UBR1: variants seen among roughly 807,000 people sequenced by gnomAD.
The protein encoded by UBR1 is E3 ubiquitin-protein ligase UBR1.
Under a neutral mutation model 242.1 loss-of-function variants are expected in UBR1, and 102 were observed. That is an observed-to-expected ratio of 0.42 (90% CI 0.36 to 0.50). The LOEUF (loss-of-function observed/expected upper bound fraction) is 0.50. Among genes scored for constraint, UBR1 ranks in the 20% least tolerant of loss-of-function variants. UBR1 has a pLI of 0.01. For synonymous variants in UBR1, 675 were observed against 684.8 expected, an observed-to-expected ratio of 0.99 and a Z score of 0.22; for missense variants, 1,772 against 2,101.8, an observed-to-expected ratio of 0.84 and a Z score of 3.07.
chr15:42,988,743 A>G (rs2032512633), intron 35 of UBR1, 76 bp downstream of exon 35: 1 of 1,588,716 alleles, frequency 6.3e-7, no homozygotes, highest in East Asian at 2.2e-5. Context: ...CCATCAGTGA[A>G]AAAAAGAATT....
intron 40 of UBR1, among the ~76,000 whole-genome samples, chr15:42,970,207 G>A (rs1195066447): frequency 1.3e-5 from 2 of 152,142 alleles, no homozygotes; most frequent in Admixed American, 6.5e-5. Flanking sequence ...ACAACCATGT[G>A]ATCTTTGACA....
chr15:43,013,015 C>T (rs939667259), intron 29 of UBR1, among the ~76,000 whole-genome samples: 2 of 152,178 alleles, frequency 1.3e-5, no homozygotes, highest in East Asian at 3.8e-4. Context: ...AGGTGATTCT[C>T]GTGCCTCAGC....
At chr15:43,065,138 T>C (rs184409899) in intron 6 of UBR1, among the ~76,000 whole-genome samples, 244 of 152,328 alleles carry the variant, frequency 1.6e-3, no homozygotes, top group Admixed American at 2.6e-3. Flanking sequence ...CTATGACCTA[T>C]AAGTAAAATG....
intron 3 of UBR1, among the ~76,000 whole-genome samples, chr15:43,078,641 GA>G (rs766028445): frequency 3.9e-5 from 6 of 152,138 alleles, no homozygotes; most frequent in Non-Finnish European, 7.3e-5. Flanking sequence ...TGGTGATTAT[GA>G]CTTGAATCAG....
chr15:43,027,715 C>A, intron 22 of UBR1, 61 bp downstream of exon 22: 1 of 1,497,312 alleles, frequency 6.7e-7, no homozygotes, highest in South Asian at 1.1e-5. Context: ...ACAAAGTATC[C>A]AAAGTACAAG....
At chr15:43,076,740 C>T (rs1169026493) in intron 3 of UBR1, among the ~76,000 whole-genome samples, 6 of 144,110 alleles carry the variant, frequency 4.2e-5, no homozygotes, top group Non-Finnish European at 7.6e-5. Flanking sequence ...AGGAGCGTCT[C>T]CGCCTGGCAG....
At chr15:43,053,342 G>A (rs1483518027) in intron 12 of UBR1, among the ~76,000 whole-genome samples, 3 of 152,084 alleles carry the variant, frequency 2.0e-5, no homozygotes, top group African/African-American at 4.8e-5. Context: ...CACTTAACTG[G>A]ATATAAAAAT....
chr15:43,043,245 T>C lies in UBR1; in HGVS notation c.1819A>G (p.Ile607Val). 3.7e-6 allele frequency: 6 copies of C among 1,614,138 alleles called. No individual in the cohort carries two copies. Among genetic ancestry groups the C allele is most frequent in the Non-Finnish European group, 4.2e-6 (5 of 1,180,028 alleles). Reference sequence around the variant, plus strand: ...AGGGTCCTAGAGAGTGGCAGATGTATGCTTACAAGATCCTCAGATACTCTG... The same window carrying C: ...AGGGTCCTAGAGAGTGGCAGATGTACGCTTACAAGATCCTCAGATACTCTG... ...SYRVSEDLVS[I>V]HLPLSRTLAG... The change falls in exon 15 of 47, where the codon ATA becomes GTA. Residue 607 changes from isoleucine (I) to valine (V), a missense_variant. Physicochemically the swap from Ile to Val is conservative, Grantham distance 29. Transcript: ENST00000290650.
chr15:43,015,005 C>T (rs906996018), intron 29 of UBR1, among the ~76,000 whole-genome samples: 2 of 150,966 alleles, frequency 1.3e-5, no homozygotes, highest in Non-Finnish European at 1.5e-5. Flanking sequence ...CCAGACGCCC[C>T]GACTGGGAGG....
intron 36 of UBR1, among the ~76,000 whole-genome samples, chr15:42,984,309 C>T (rs2141272720): frequency 6.6e-6 from 1 of 152,282 alleles, no homozygotes; most frequent in East Asian, 1.9e-4. Context: ...TCTGTGCCAG[C>T]TGTCAGAAAA....
chr15:43,083,464 TCAGCCTCC>T (rs2033997055), intron 2 of UBR1, among the ~76,000 whole-genome samples: 1 of 152,122 alleles, frequency 6.6e-6, no homozygotes, highest in South Asian at 2.1e-4. Context: ...CACTGCAACC[TCAGCCTCC>T]CAGGTTCAAG....
In UBR1 at chr15:43,086,602, A is replaced by G. The variant is rs16952512; in HGVS notation, c.82-362T>C. On this transcript the variant is annotated intron_variant, in intron 1 of 46. Transcript: ENST00000290650. ...TTAGGAAACCAGAGTATTTAACAAG[A>G]GATCGAAATGAACATAGGCCAAAAT... Among the ~76,000 whole-genome samples the G allele has an allele frequency of 8.1e-3, 1,230 of 152,344 alleles. 15 individuals carry two copies. The highest frequency in any genetic ancestry group is 0.028 in the African/African-American group (1,169 of 41,578).
chr15:42,945,356 T>C lies in UBR1; in HGVS notation c.5223A>G (p.Leu1741=). ...ACAGTAACTGCCAGTTGAATCCAAA[T>C]AACATCTGATTAGTCTCTTGGCTCC... ...IARSQETNQM[L]FGFNWQLL Residue 1741 remains leucine, a synonymous_variant, in exon 47 of 47, where the codon TTA becomes TTG. Coordinates refer to ENST00000290650, the MANE Select transcript of UBR1 (RefSeq NM_174916.3). 1 of 1,614,154 alleles carries C rather than the reference T, an allele frequency of 6.2e-7. No individual in the cohort carries two copies. Among genetic ancestry groups the C allele is most frequent in the Non-Finnish European group, 8.5e-7 (1 of 1,180,016 alleles).
At chr15:42,979,413 T>C (rs2032342256) in intron 37 of UBR1, among the ~76,000 whole-genome samples, 1 of 152,108 alleles carries the variant, frequency 6.6e-6, no homozygotes. Flanking sequence ...GATCAGGGGC[T>C]TTGAAGTCAG....
chr15:42,952,384 G>A lies in UBR1; in HGVS notation c.4900C>T (p.Leu1634=). The A allele has an allele frequency of 6.2e-7, 1 of 1,614,236 alleles. No individual in the cohort carries two copies. The highest frequency in any genetic ancestry group is 8.5e-7 in the Non-Finnish European group (1 of 1,180,050). Residue 1634 remains leucine, a synonymous_variant, in exon 45 of 47, where the codon CTA becomes TTA. Transcript: ENST00000290650. ...PVLCLFCGAI[L]CSQNICCQEI... ...TGGCAGCAAATGTTCTGAGAACATA[G>A]TATAGCCCCACAGAAAAGGCAGAGG...
intron 6 of UBR1, among the ~76,000 whole-genome samples, chr15:43,067,628 C>A (rs1238945720): frequency 1.3e-5 from 2 of 152,152 alleles, no homozygotes; most frequent in Non-Finnish European, 2.9e-5. Flanking sequence ...TAGGACCAGA[C>A]TAAAGTTGAG....
Position 43,076,503 on chromosome 15 carries a change from G to A in UBR1, c.418-1414C>T, listed in dbSNP as rs1443609610. 1.5e-3 allele frequency among the ~76,000 whole-genome samples: 219 copies of A among 150,136 alleles called. 1 individual carries two copies. The highest frequency in any genetic ancestry group is 2.4e-3 in the Non-Finnish European group (164 of 67,464). Reference sequence around the variant, plus strand: ...CCATCCCATCTGGGAAGTGAGGAGCGTCTCTGCCCGGCCGCCCATCGTCTG... The same window carrying A: ...CCATCCCATCTGGGAAGTGAGGAGCATCTCTGCCCGGCCGCCCATCGTCTG... On this transcript the variant is annotated intron_variant, in intron 3 of 46. Transcript: ENST00000290650.
intron 1 of UBR1, among the ~76,000 whole-genome samples, chr15:43,102,795 TTCTC>T (rs778246776): frequency 1.4e-4 from 21 of 152,326 alleles, no homozygotes; most frequent in East Asian, 3.9e-4. Context: ...ATCATTCCTG[TTCTC>T]TCTTTCTCAT....
intron 10 of UBR1, 70 bp from the exon 11 acceptor site, chr15:43,056,512 A>G: frequency 9.7e-7 from 1 of 1,025,834 alleles, no homozygotes; most frequent in Non-Finnish European, 1.5e-6. Flanking sequence ...CAATTTTAAT[A>G]ACTGCTGCAG....
Sources: gnomAD v4.1 joint callset for allele counts (sites outside exome capture counted in the v4.1 genomes callset) on GRCh38, gnomAD v4.1.1 for gene constraint, MANE v1.5 for transcripts, NCBI Gene and HGNC (gene_info 2026-07-23, HGNC 2026-07-21) for gene names.